Variants in PCED1B observed in about 807,000 individuals in gnomAD.
PCED1B encodes PC-esterase domain containing 1B.
For synonymous variants in PCED1B, 251 were observed against 246.1 expected (o/e 1.02, Z -0.19); for missense variants, 573 against 573.9 (o/e 1.00, Z 0.02).
Position 47,128,301 on chromosome 12 carries a change from A to G in PCED1B, c.-526+24106A>G, listed in dbSNP as rs146701035. On this transcript the variant is annotated intron_variant, in intron 2 of 3. Coordinates refer to ENST00000546455, the MANE Select transcript of PCED1B (RefSeq NM_138371.3). Reference sequence around the variant, plus strand: ...TTTTACTAGGAACTTAAATACATACAACAGATAAAAGTGTCTTATCTATTT... The same window carrying G: ...TTTTACTAGGAACTTAAATACATACGACAGATAAAAGTGTCTTATCTATTT... Among the ~76,000 whole-genome samples, 942 of 152,300 alleles carry G rather than the reference A, an allele frequency of 6.2e-3. 12 individuals carry two copies. The highest frequency in any genetic ancestry group is 0.021 in the African/African-American group (889 of 41,552).
At chr12:47,158,922 A>G (rs906138108) in intron 2 of PCED1B, among the ~76,000 whole-genome samples, 3 of 152,070 alleles carry the variant, frequency 2.0e-5, no homozygotes, top group African/African-American at 7.2e-5. Context: ...CCCCACCCAC[A>G]CATAGCCTCT....
chr12:47,080,713 A>G (rs1463582188), intron 1 of PCED1B, among the ~76,000 whole-genome samples: 1 of 152,200 alleles, frequency 6.6e-6, no homozygotes, highest in Admixed American at 6.5e-5. Context: ...GAATGCAAAG[A>G]TAAGAGTATT....
intron 2 of PCED1B, among the ~76,000 whole-genome samples, chr12:47,177,448 C>T (rs1207815122): frequency 6.6e-6 from 1 of 152,180 alleles, no homozygotes; most frequent in Non-Finnish European, 1.5e-5. Flanking sequence ...GTTCCAATCA[C>T]CCTCACACTA....
intron 2 of PCED1B, among the ~76,000 whole-genome samples, chr12:47,211,523 A>T (rs1291170177): frequency 6.6e-6 from 1 of 151,576 alleles, no homozygotes; most frequent in Non-Finnish European, 1.5e-5. Flanking sequence ...GTGTAGTGGC[A>T]CATGGCTATA....
intron 2 of PCED1B, among the ~76,000 whole-genome samples, chr12:47,178,929 C>T (rs1359806280): frequency 1.3e-5 from 2 of 150,804 alleles, no homozygotes; most frequent in South Asian, 2.1e-4. Context: ...GTGTCATGAA[C>T]GTAAGATTGA....
intron 2 of PCED1B, among the ~76,000 whole-genome samples, chr12:47,206,747 G>A (rs1188897088): frequency 1.4e-5 from 2 of 147,814 alleles, no homozygotes; most frequent in South Asian, 2.1e-4. Flanking sequence ...TCTCTACCCC[G>A]CCCCCGCAAC....
intron 2 of PCED1B, among the ~76,000 whole-genome samples, chr12:47,144,105 A>G (rs189832414): frequency 8.7e-4 from 133 of 152,282 alleles, no homozygotes; most frequent in African/African-American, 3.1e-3. Context: ...TCTCACGCCT[A>G]AAGAACTAGC....
At chr12:47,155,781 C>A (rs1055458942) in intron 2 of PCED1B, among the ~76,000 whole-genome samples, 6 of 152,180 alleles carry the variant, frequency 3.9e-5, no homozygotes, top group Non-Finnish European at 5.9e-5. Context: ...TTTGAAGAAG[C>A]TGCCTGATTT....
intron 2 of PCED1B, among the ~76,000 whole-genome samples, chr12:47,117,695 T>A (rs1243475559): frequency 2.6e-5 from 4 of 152,202 alleles, no homozygotes; most frequent in African/African-American, 9.7e-5. Flanking sequence ...TGATTTATAA[T>A]CCTTTGGGTA....
chr12:47,100,398 A>G (rs527458531), intron 1 of PCED1B, among the ~76,000 whole-genome samples: 11 of 152,336 alleles, frequency 7.2e-5, no homozygotes, highest in Non-Finnish European at 1.5e-4. Flanking sequence ...CCATCCATCA[A>G]TGAATATTCT....
At position 47,193,899 on chromosome 12, in the gene PCED1B, T is replaced by A. The variant is rs182874430; in HGVS notation, c.-525-22323T>A. Reference sequence around the variant, plus strand: ...TTGTTGTTATTTTAAAGCCATTTCATTGCTCAGTCTTGCTGGGGCTGGGGC... The same window carrying A: ...TTGTTGTTATTTTAAAGCCATTTCAATGCTCAGTCTTGCTGGGGCTGGGGC... On this transcript the variant is annotated intron_variant, in intron 2 of 3. Transcript: ENST00000546455. Among the ~76,000 whole-genome samples, 1,515 of 152,366 alleles carry A rather than the reference T, an allele frequency of 9.9e-3. 13 individuals carry two copies. The highest frequency in any genetic ancestry group is 0.015 in the Non-Finnish European group (1,023 of 68,036).
intron 2 of PCED1B, among the ~76,000 whole-genome samples, chr12:47,197,948 C>T (rs2137691538): frequency 6.6e-6 from 1 of 152,294 alleles, no homozygotes; most frequent in East Asian, 1.9e-4. Flanking sequence ...GGTTCACTGG[C>T]TAATTCTACT....
chr12:47,171,458 T>C (rs1941732919), intron 2 of PCED1B, among the ~76,000 whole-genome samples: 1 of 152,212 alleles, frequency 6.6e-6, no homozygotes, highest in African/African-American at 2.4e-5. Context: ...AAATTCTTCT[T>C]TTTAAAGATT....
At chr12:47,186,454 G>A (rs1942270260) in intron 2 of PCED1B, among the ~76,000 whole-genome samples, 1 of 151,652 alleles carries the variant, frequency 6.6e-6, no homozygotes, top group Non-Finnish European at 1.5e-5. Flanking sequence ...GTCCCTTTAT[G>A]TTATCCCTTT....
At chr12:47,162,545 G>A (rs1941420989) in intron 2 of PCED1B, among the ~76,000 whole-genome samples, 1 of 152,148 alleles carries the variant, frequency 6.6e-6, no homozygotes, top group African/African-American at 2.4e-5. Flanking sequence ...GAGTATACAA[G>A]AAGCATAGTG....
rs1401114156 is a variant in PCED1B at position 47,235,924 on chromosome 12, C to T, written c.861C>T (p.Ala287=). The T allele has an allele frequency of 1.4e-5, 23 of 1,610,624 alleles. No individual in the cohort carries two copies. The highest frequency in any genetic ancestry group is 1.9e-5 in the Non-Finnish European group (22 of 1,178,726). Reference sequence around the variant, plus strand: ...CCCAGGCCAACAGAAATCACCCGGCCTTACCTCTGTCCCCACCCTTACCTT... The same window carrying T: ...CCCAGGCCAACAGAAATCACCCGGCTTTACCTCTGTCCCCACCCTTACCTT... ...GPPQANRNHP[A]LPLSPPLPSP... The change falls in exon 4 of 4, where the codon GCC becomes GCT. Residue 287 remains alanine, a synonymous_variant. Transcript: ENST00000546455.
At chr12:47,231,238 A>T in intron 3 of PCED1B, among the ~76,000 whole-genome samples, 1 of 152,302 alleles carries the variant, frequency 6.6e-6, no homozygotes, top group East Asian at 1.9e-4. Flanking sequence ...TTACATGTAC[A>T]TGGGGACCCT....
intron 1 of PCED1B, among the ~76,000 whole-genome samples, chr12:47,089,461 C>CATGTATATATATATGT (rs1233280547): frequency 1.7e-4 from 11 of 63,394 alleles, no homozygotes; most frequent in Admixed American, 2.7e-4. Context: ...AAAAAAAATA[C>CATGTATATATATATGT]ATATATATAT....
intron 2 of PCED1B, among the ~76,000 whole-genome samples, chr12:47,138,878 T>G (rs1940486322): frequency 6.6e-6 from 1 of 152,216 alleles, no homozygotes; most frequent in East Asian, 1.9e-4. Context: ...TCTGAAAAAT[T>G]TCCAATAGAC....
Sources: allele counts gnomAD v4.1 joint callset (sites outside exome capture counted in the v4.1 genomes callset), GRCh38; gene constraint gnomAD v4.1.1; transcripts MANE v1.5; gene names NCBI Gene and HGNC (gene_info 2026-07-23, HGNC 2026-07-21).